Variants in KIAA1549L observed in about 807,000 individuals in gnomAD.
KIAA1549L encodes KIAA1549 like.
KIAA1549L carries 88 observed loss-of-function variants against 160.7 expected under a neutral mutation model. The observed-to-expected ratio is 0.55, with a 90% CI of 0.46 to 0.65. KIAA1549L has a LOEUF of 0.65. Ranked by LOEUF, KIAA1549L falls within the 30% of genes least tolerant of loss-of-function variation. The pLI is 0.00. For missense variants in KIAA1549L, 2,258 were observed against 2,437.5 expected (o/e 0.93, Z 1.55); for synonymous variants, 950 against 976.7 (o/e 0.97, Z 0.51).
chr11:33,384,259 A>G (rs1485905081), intron 1 of KIAA1549L, among the ~76,000 whole-genome samples: 4 of 152,212 alleles, frequency 2.6e-5, no homozygotes, highest in Admixed American at 2.6e-4. Context: ...GGCTTCTTTC[A>G]CTTAGCATAA....
intron 1 of KIAA1549L, among the ~76,000 whole-genome samples, chr11:33,529,800 G>GCTAT (rs1853696930): frequency 6.6e-6 from 1 of 152,166 alleles, no homozygotes; most frequent in African/African-American, 2.4e-5. Context: ...TAACTGGCTA[G>GCTAT]CTATCATACT....
rs879591209 is a variant in KIAA1549L, at chr11:33,670,533, A to AGAT, written c.*2382_*2384dup. On this transcript the variant is annotated 3_prime_UTR_variant, in exon 21 of 21. Coordinates refer to ENST00000658780, the MANE Select transcript of KIAA1549L (RefSeq NM_012194.3). ...CCATGGGTTCAAGAATAGTATTAAT[A>AGAT]GATGAGAGGAAAACCTTAAGTTGGA... 6.6e-6 allele frequency: 1 copy of AGAT among 152,248 alleles called. No individual in the cohort carries two copies. Among genetic ancestry groups the AGAT allele is most frequent in the Admixed American group, 6.5e-5 (1 of 15,284 alleles). 9.4% of individuals were successfully genotyped at this position (152,248 alleles called of 1,614,324 possible).
At chr11:33,658,937 G>A in intron 19 of KIAA1549L, 39 bp downstream of exon 19, 1 of 1,514,476 alleles carries the variant, frequency 6.6e-7, no homozygotes, top group Non-Finnish European at 8.9e-7. Flanking sequence ...CCCCACCACT[G>A]CTGCTGTGCC....
In KIAA1549L at chr11:33,670,964, A is replaced by G. The variant is rs1852655491; in HGVS notation, c.*2810A>G. 6.6e-6 allele frequency: 1 copy of G among 152,088 alleles called. No individual in the cohort carries two copies. Among genetic ancestry groups the G allele is most frequent in the Non-Finnish European group, 1.5e-5 (1 of 68,030 alleles). 9.4% of individuals were successfully genotyped at this position (152,088 alleles called of 1,614,324 possible). A position where few individuals can be genotyped will look rare whatever the true frequency, so the allele number is the denominator to read the frequency against. ...TGGCCTGCAGGCTTGTCAGTAACAC[A>G]TTTCTTTAGCTGTGCCTAGAGGTTT... On this transcript the variant is annotated 3_prime_UTR_variant, in exon 21 of 21. Transcript: ENST00000658780.
intron 1 of KIAA1549L, among the ~76,000 whole-genome samples, chr11:33,401,246 A>G: frequency 6.8e-6 from 1 of 147,976 alleles, no homozygotes; most frequent in Admixed American, 6.8e-5. Flanking sequence ...TTAATATAGT[A>G]TATATAAATA....
intron 1 of KIAA1549L, among the ~76,000 whole-genome samples, chr11:33,426,582 G>A (rs191754955): frequency 5.3e-5 from 8 of 152,316 alleles, no homozygotes; most frequent in Admixed American, 4.6e-4. Context: ...GGGCAGAGCT[G>A]TGGGGCTATA....
At chr11:33,603,636 G>A (rs1358320917) in intron 13 of KIAA1549L, among the ~76,000 whole-genome samples, 1 of 151,956 alleles carries the variant, frequency 6.6e-6, no homozygotes, top group Non-Finnish European at 1.5e-5. Flanking sequence ...GTGAAACCCC[G>A]TCTCTACTAA....
At chr11:33,583,609 G>A in intron 11 of KIAA1549L, 108 bp downstream of exon 11, 2 of 992,034 alleles carry the variant, frequency 2.0e-6, no homozygotes, top group South Asian at 3.4e-5. Flanking sequence ...AGAAACATCA[G>A]GGCAGGTCCT....
intron 20 of KIAA1549L, among the ~76,000 whole-genome samples, chr11:33,662,859 T>C (rs1474783): frequency 0.46 from 69,184 of 151,932 alleles, 16,533 homozygotes; most frequent in African/African-American, 0.6. Flanking sequence ...CAAATGGAAA[T>C]GTAACCTTCC....
chr11:33,662,718 G>A, intron 20 of KIAA1549L, among the ~76,000 whole-genome samples: 1 of 152,172 alleles, frequency 6.6e-6, no homozygotes, highest in Middle Eastern at 3.2e-3. Flanking sequence ...ACTGGAGTTG[G>A]TGAAAGTATT....
rs1259742433 is a variant in KIAA1549L, at chr11:33,583,321, C to G, written c.4403-17C>G. ...AGTGTTGCTTGTCATGTCCCTCCTG[C>G]TGGCTCTTTCCCACAGCCGTGGTGA... On this transcript the variant is annotated splice_polypyrimidine_tract_variant and intron_variant, in intron 10 of 20. Coordinates refer to ENST00000658780, the MANE Select transcript of KIAA1549L (RefSeq NM_012194.3). The G allele has an allele frequency of 6.3e-7, 1 of 1,591,716 alleles. No individual in the cohort carries two copies. Among genetic ancestry groups the G allele is most frequent in the Non-Finnish European group, 8.6e-7 (1 of 1,168,834 alleles).
chr11:33,624,793 A>C (rs1851054307), intron 16 of KIAA1549L, among the ~76,000 whole-genome samples: 2 of 148,630 alleles, frequency 1.3e-5, no homozygotes, highest in Admixed American at 6.8e-5. Flanking sequence ...GTTTTAGGGT[A>C]CATGTGCACA....
At chr11:33,483,432 G>T (rs1237141627) in intron 1 of KIAA1549L, among the ~76,000 whole-genome samples, 1 of 152,114 alleles carries the variant, frequency 6.6e-6, no homozygotes, top group Non-Finnish European at 1.5e-5. Context: ...AGCTAATCTG[G>T]CATGGTGGGC....
chr11:33,377,605 C>A (rs1245805469), intron 1 of KIAA1549L, among the ~76,000 whole-genome samples: 1 of 152,230 alleles, frequency 6.6e-6, no homozygotes, highest in Non-Finnish European at 1.5e-5. Context: ...GTGCAGTAAG[C>A]AGTTGTCCTG....
At chr11:33,510,353 T>A (rs1309205183) in intron 1 of KIAA1549L, among the ~76,000 whole-genome samples, 2 of 152,106 alleles carry the variant, frequency 1.3e-5, no homozygotes, top group Admixed American at 1.3e-4. Flanking sequence ...TCCCAGCTAA[T>A]TTTTCGTACT....
At chr11:33,377,476 C>T (rs970610160) in intron 1 of KIAA1549L, among the ~76,000 whole-genome samples, 2 of 152,178 alleles carry the variant, frequency 1.3e-5, no homozygotes, top group Non-Finnish European at 2.9e-5. Flanking sequence ...GGCTTGTAGA[C>T]TTCCAGCAAT....
chr11:33,616,746 C>T (rs1564925878), intron 15 of KIAA1549L, among the ~76,000 whole-genome samples: 1 of 152,104 alleles, frequency 6.6e-6, no homozygotes. Context: ...TGTAAGCCTG[C>T]CAGGTTTCTG....
chr11:33,389,255 C>G (rs1279622403), intron 1 of KIAA1549L, among the ~76,000 whole-genome samples: 1 of 152,158 alleles, frequency 6.6e-6, no homozygotes, highest in African/African-American at 2.4e-5. Context: ...TGCCGTTCCC[C>G]TGTCACTTGC....
chr11:33,581,242 T>G (rs960047815), intron 10 of KIAA1549L, among the ~76,000 whole-genome samples: 6 of 152,216 alleles, frequency 3.9e-5, no homozygotes, highest in African/African-American at 1.4e-4. Context: ...TCACCCCAGT[T>G]ATGAGCTCTA....
Sources: gnomAD v4.1 joint callset for allele counts (sites outside exome capture counted in the v4.1 genomes callset) on GRCh38, gnomAD v4.1.1 for gene constraint, MANE v1.5 for transcripts, NCBI Gene and HGNC (gene_info 2026-07-23, HGNC 2026-07-21) for gene names.